Variants in HSPA12A observed in about 807,000 individuals in gnomAD.
HSPA12A encodes the protein heat shock 70 kDa protein 12A.
Under a neutral mutation model 69.2 loss-of-function variants are expected in HSPA12A, and 28 were observed. The observed-to-expected ratio is 0.40, with a 90% CI of 0.30 to 0.55. The LOEUF (loss-of-function observed/expected upper bound fraction) is 0.55, where lower values mean the gene tolerates loss of function less well. HSPA12A is among the 20% of genes least tolerant of loss of function. The pLI is 0.38. For missense variants in HSPA12A, 686 were observed against 900.7 expected (o/e 0.76, Z 3.05); for synonymous variants, 345 against 370.5 (o/e 0.93, Z 0.79).
intron 1 of HSPA12A, among the ~76,000 whole-genome samples, chr10:116,846,077 C>A (rs1484474319): frequency 1.3e-5 from 2 of 152,162 alleles, no homozygotes; most frequent in Non-Finnish European, 2.9e-5. Flanking sequence ...GTTCTTTCCC[C>A]AGTGCCTAGA....
At position 116,841,131 on chromosome 10, in the gene HSPA12A, C is replaced by T. The variant is rs1287406689; in HGVS notation, c.4-6109G>A. On this transcript the variant is annotated intron_variant, in intron 1 of 12. Coordinates refer to the HSPA12A transcript ENST00000635765. Reference sequence around the variant, plus strand: ...TATTTCAAGTGAAAGTAATTTCATACGACCTTCTCCTAATACACACAACTC... The same window carrying T: ...TATTTCAAGTGAAAGTAATTTCATATGACCTTCTCCTAATACACACAACTC... Among the ~76,000 whole-genome samples the T allele has an allele frequency of 2.6e-5, 4 of 152,194 alleles. No individual in the cohort carries two copies. In the East Asian group the frequency reaches 5.8e-4, roughly 22 times the overall value.
chr10:116,825,928 C>G (rs1483762829), intron 2 of HSPA12A, among the ~76,000 whole-genome samples: 1 of 152,206 alleles, frequency 6.6e-6, no homozygotes, highest in East Asian at 1.9e-4. Flanking sequence ...TGAAAACAGG[C>G]TGTGAAACCA....
chr10:116,798,577 T>C (rs969120124), intron 2 of HSPA12A, among the ~76,000 whole-genome samples: 27 of 151,924 alleles, frequency 1.8e-4, no homozygotes, highest in African/African-American at 6.3e-4. Flanking sequence ...AAGTAGAGGA[T>C]GGGATGGGGT....
upstream of HSPA12A, among the ~76,000 whole-genome samples, chr10:116,742,788 C>T (rs1851559482): frequency 6.6e-6 from 1 of 151,930 alleles, no homozygotes; most frequent in African/African-American, 2.4e-5. Flanking sequence ...CTCCCGGCTT[C>T]GGGACCGAGC....
At chr10:116,676,557 G>T (rs2166634) in intron 10 of HSPA12A, 55 bp from the exon 11 acceptor site, 914,214 of 1,348,478 alleles carry the variant, frequency 0.68, 313,356 homozygotes, top group South Asian at 0.8. Flanking sequence ...ACGATACCCA[G>T]GCTTATCTGC....
At chr10:116,849,779 C>G (rs750093914), upstream of HSPA12A, 67 of 1,465,084 alleles carry the variant, frequency 4.6e-5, no homozygotes, top group East Asian at 3.3e-4. Flanking sequence ...CCTCTCCCCC[C>G]GCCCCGCGCT....
chr10:116,780,305 G>C (rs1245635702), intron 2 of HSPA12A, among the ~76,000 whole-genome samples: 2 of 151,956 alleles, frequency 1.3e-5, no homozygotes, highest in African/African-American at 2.4e-5. Context: ...GAAATCTATA[G>C]AGCCCTCCTC....
chr10:116,775,633 T>A (rs1844318560), intron 2 of HSPA12A, among the ~76,000 whole-genome samples: 1 of 152,176 alleles, frequency 6.6e-6, no homozygotes, highest in Non-Finnish European at 1.5e-5. Context: ...GGGTGAGCCC[T>A]GACTTTCCTC....
rs1589661729 is a variant in HSPA12A at position 116,723,680 on chromosome 10, G to A, written c.41-16395C>T. Among the ~76,000 whole-genome samples, 1 of 152,158 alleles carries A rather than the reference G, an allele frequency of 6.6e-6. No individual in the cohort carries two copies. ...GACATTCATTCCTGAGACCCACTGCGCACACGTGCTGAGGTTTTAAAACTG... is the reference window on the plus strand; with the variant it reads ...GACATTCATTCCTGAGACCCACTGCACACACGTGCTGAGGTTTTAAAACTG... On this transcript the variant is annotated intron_variant, in intron 1 of 11. Coordinates refer to ENST00000369209, the MANE Select transcript of HSPA12A (RefSeq NM_025015.3). The surrounding 1 kb of genome is among the most constrained non-coding windows in gnomAD (Gnocchi z 4.1).
chr10:116,849,697 T>C (rs1308441051), exon 1 of HSPA12A: 6 of 1,543,624 alleles, frequency 3.9e-6, no homozygotes, highest in Middle Eastern at 1.8e-4. Context: ...AACTCCACCT[T>C]CTACCTCCAG....
At chr10:116,705,645 CGCAAGACCCTGT>C (rs1202194670) in intron 2 of HSPA12A, among the ~76,000 whole-genome samples, 1 of 152,246 alleles carries the variant, frequency 6.6e-6, no homozygotes, top group Non-Finnish European at 1.5e-5. Context: ...TGCTGCCTTC[CGCAAGACCCTGT>C]GCAGACCTCT....
intron 1 of HSPA12A, among the ~76,000 whole-genome samples, chr10:116,708,513 C>T (rs918146444): frequency 3.3e-5 from 5 of 152,130 alleles, no homozygotes; most frequent in African/African-American, 1.2e-4. Context: ...TTGATGAGGA[C>T]TCAGGCAGCA....
chr10:116,811,093 G>A (rs1244302907), intron 2 of HSPA12A, among the ~76,000 whole-genome samples: 1 of 152,150 alleles, frequency 6.6e-6, no homozygotes, highest in African/African-American at 2.4e-5. Flanking sequence ...CTTCCTGGAG[G>A]AGGCAACATT....
At position 116,674,111 on chromosome 10, in the gene HSPA12A, C is replaced by T. The variant is rs1849158864; in HGVS notation, c.*670G>A. 1 of 152,052 alleles carries T rather than the reference C, an allele frequency of 6.6e-6. No individual in the cohort carries two copies. Among genetic ancestry groups the T allele is most frequent in the Non-Finnish European group, 1.5e-5 (1 of 68,178 alleles). The allele number at this position is 152,052 out of a possible 1,614,324, so 9.4% of individuals were successfully genotyped here. A position where few individuals can be genotyped will look rare whatever the true frequency, so the allele number is the denominator to read the frequency against. ...TTCACCTGCTAAGAATGTGAGGTAT[C>T]AGCTCTCCTACTCACAAAAGCCCTA... On this transcript the variant is annotated 3_prime_UTR_variant, in exon 12 of 12. Transcript: ENST00000369209.
rs1458032022 is a variant in HSPA12A, at chr10:116,671,670, C to T, written c.*3111G>A. The T allele has an allele frequency of 6.6e-6, 1 of 152,648 alleles. No individual in the cohort carries two copies. The highest frequency in any genetic ancestry group is 1.5e-5 in the Non-Finnish European group (1 of 68,040). The allele number at this position is 152,648 out of a possible 1,614,324, so 9.5% of individuals were successfully genotyped here. A position where few individuals can be genotyped will look rare whatever the true frequency, so the allele number is the denominator to read the frequency against. On this transcript the variant is annotated 3_prime_UTR_variant, in exon 12 of 12. Transcript: ENST00000369209. ...CAGTTGTATGGTTCCTCCTCTTTCC[C>T]CTCCTGTCTGTAACTTGTCTGTTAC...
In HSPA12A at chr10:116,686,816, C is replaced by G. The variant is rs1473327375; in HGVS notation, c.664-2854G>C. ...CCCTCTTCCCACACCATAAGCTCCACCCCCACCCCTTCCCAAACCATAAGC... is the reference window on the plus strand; with the variant it reads ...CCCTCTTCCCACACCATAAGCTCCAGCCCCACCCCTTCCCAAACCATAAGC... On this transcript the variant is annotated intron_variant, in intron 6 of 11. Transcript: ENST00000369209. The surrounding 1 kb of genome is among the most constrained non-coding windows in gnomAD (Gnocchi z 4.1). Among the ~76,000 whole-genome samples, 1 of 150,720 alleles carries G rather than the reference C, an allele frequency of 6.6e-6. No homozygotes were observed. The highest frequency in any genetic ancestry group is 2.4e-5 in the African/African-American group (1 of 40,914).
chr10:116,816,380 G>C (rs1018949025), intron 2 of HSPA12A, among the ~76,000 whole-genome samples: 7 of 152,264 alleles, frequency 4.6e-5, no homozygotes, highest in Non-Finnish European at 7.3e-5. Flanking sequence ...ATACGGGGCA[G>C]AGAATGTTGG....
chr10:116,711,809 G>A (rs755205187), intron 1 of HSPA12A, among the ~76,000 whole-genome samples: 16 of 151,222 alleles, frequency 1.1e-4, no homozygotes, highest in Middle Eastern at 3.4e-3. Context: ...GACTACAGGC[G>A]CCTGCCAACG....
chr10:116,756,982 T>C (rs1843864097), intron 2 of HSPA12A, among the ~76,000 whole-genome samples: 1 of 152,224 alleles, frequency 6.6e-6, no homozygotes, highest in South Asian at 2.1e-4. Flanking sequence ...GGATTATGTT[T>C]AATTCACTTA....
Sources: gnomAD v4.1 joint callset for allele counts (sites outside exome capture counted in the v4.1 genomes callset) on GRCh38, gnomAD v4.1.1 for gene constraint, Gnocchi (gnomAD v3.1) non-coding constraint, MANE v1.5 for transcripts, NCBI Gene and HGNC (gene_info 2026-07-23, HGNC 2026-07-21) for gene names.